The following ARL6IP6 variants were observed in gnomAD, a reference collection of about 807,000 sequenced individuals.
ARL6IP6 encodes the protein ADP-ribosylation factor-like protein 6-interacting protein 6.
A neutral mutation model predicts 21.5 loss-of-function variants in ARL6IP6; 22 were observed. That is an observed-to-expected ratio of 1.02 (90% confidence interval 0.73 to 1.46). The LOEUF (loss-of-function observed/expected upper bound fraction) is 1.46. Among genes scored for constraint, ARL6IP6 ranks in the 40% most tolerant of loss-of-function variants. ARL6IP6 has a pLI of 0.00. For synonymous variants in ARL6IP6, 164 were observed against 125.3 expected (o/e 1.31, Z -2.06); for missense variants, 388 against 299.8 (o/e 1.29, Z -2.17).
upstream of ARL6IP6, chr2:152,718,029 C>A: frequency 2.0e-6 from 2 of 992,616 alleles, no homozygotes; most frequent in Non-Finnish European, 2.4e-6. Context: ...GGAGGCGTGT[C>A]GAGTAGCGGG....
At chr2:152,717,980 T>G, upstream of ARL6IP6, 1 of 999,104 alleles carries the variant, frequency 1.0e-6, no homozygotes, top group Non-Finnish European at 1.2e-6. Context: ...GAGGGTTCGA[T>G]CTCCGTACGC....
At chr2:152,737,909 A>C (rs892758805) in intron 3 of ARL6IP6, among the ~76,000 whole-genome samples, 2 of 152,062 alleles carry the variant, frequency 1.3e-5, no homozygotes, top group Admixed American at 1.3e-4. Context: ...CAGTCCCCCA[A>C]ATTTCAGCAT....
intron 3 of ARL6IP6, among the ~76,000 whole-genome samples, chr2:152,741,852 T>C (rs1700825264): frequency 1.3e-5 from 2 of 152,210 alleles, no homozygotes; most frequent in South Asian, 4.1e-4. Flanking sequence ...ATATATAAAC[T>C]TGTCAATTAG....
rs1701847966 is a variant in ARL6IP6, at chr2:152,761,617, T to TCC, written c.*1782_*1783dup. On this transcript the variant is annotated 3_prime_UTR_variant, in exon 4 of 4. Transcript: ENST00000326446. ...AACGAACTGTACTTATGATAGTGAATCCCCCCGTAAGATTATACTGCTGCA... is the reference window on the plus strand; with the variant it reads ...AACGAACTGTACTTATGATAGTGAATCCCCCCCCGTAAGATTATACTGCTGCA... 6.6e-6 allele frequency among the ~76,000 whole-genome samples: 1 copy of TCC among 152,128 alleles called. No individual in the cohort carries two copies. The highest frequency in any genetic ancestry group is 2.4e-5 in the African/African-American group (1 of 41,426).
intron 3 of ARL6IP6, among the ~76,000 whole-genome samples, chr2:152,736,262 G>T (rs1186651806): frequency 6.6e-6 from 1 of 152,110 alleles, no homozygotes; most frequent in Non-Finnish European, 1.5e-5. Flanking sequence ...ACAGGTATAA[G>T]TCTAGGGTAA....
intron 3 of ARL6IP6, among the ~76,000 whole-genome samples, chr2:152,747,757 G>A (rs1057105325): frequency 1.4e-4 from 22 of 152,054 alleles, no homozygotes; most frequent in African/African-American, 5.1e-4. Context: ...TTTTAGTAGA[G>A]ATGGGGTTTC....
intron 3 of ARL6IP6, among the ~76,000 whole-genome samples, chr2:152,750,228 A>C (rs537117952): frequency 4.8e-4 from 73 of 152,274 alleles, no homozygotes; most frequent in African/African-American, 1.5e-3. Flanking sequence ...CCTGTATCCC[A>C]GCACTTTGGG....
intron 2 of ARL6IP6, among the ~76,000 whole-genome samples, chr2:152,724,171 A>T (rs1425148763): frequency 6.6e-6 from 1 of 150,942 alleles, no homozygotes; most frequent in African/African-American, 2.4e-5. Context: ...TCAAAATGTT[A>T]GTTTATCTGG....
At chr2:152,734,373 G>A (rs1022305327) in intron 2 of ARL6IP6, among the ~76,000 whole-genome samples, 1 of 152,088 alleles carries the variant, frequency 6.6e-6, no homozygotes, top group African/African-American at 2.4e-5. Flanking sequence ...GTAAAGAGGG[G>A]ATACCCCCAA....
chr2:152,762,343 G>A lies in ARL6IP6; in HGVS notation c.*2503G>A, dbSNP rs919601739. 2.0e-5 allele frequency among the ~76,000 whole-genome samples: 3 copies of A among 152,170 alleles called. No individual in the cohort carries two copies. Among genetic ancestry groups the A allele is most frequent in the African/African-American group, 7.2e-5 (3 of 41,442 alleles). On this transcript the variant is annotated 3_prime_UTR_variant, in exon 4 of 4. Transcript: ENST00000326446. ...GTCCCTGAAGCCCAGTGGCAATCCTGCCATTCTTGATACGTGAGTCAATAA... is the reference window on the plus strand; with the variant it reads ...GTCCCTGAAGCCCAGTGGCAATCCTACCATTCTTGATACGTGAGTCAATAA...
intron 1 of ARL6IP6, 116 bp downstream of exon 1, chr2:152,719,140 T>C: frequency 8.4e-7 from 1 of 1,194,384 alleles, no homozygotes; most frequent in Non-Finnish European, 1.1e-6. Flanking sequence ...GCAGCTGCTT[T>C]CACCCAGAGT....
chr2:152,726,803 A>G (rs138080246), intron 2 of ARL6IP6, among the ~76,000 whole-genome samples: 1 of 152,308 alleles, frequency 6.6e-6, no homozygotes, highest in Non-Finnish European at 1.5e-5. Context: ...ATTTAGTGGC[A>G]TTGCAACTGT....
chr2:152,742,273 A>G (rs909903819), intron 3 of ARL6IP6, among the ~76,000 whole-genome samples: 1 of 152,170 alleles, frequency 6.6e-6, no homozygotes, highest in East Asian at 1.9e-4. Flanking sequence ...CTAGAACTCT[A>G]AAGATAATCG....
chr2:152,719,427 C>T (rs1206843979), intron 1 of ARL6IP6, among the ~76,000 whole-genome samples: 1 of 152,178 alleles, frequency 6.6e-6, no homozygotes, highest in East Asian at 1.9e-4. Flanking sequence ...GTGCTGTCCA[C>T]CAATTCCTCT....
intron 3 of ARL6IP6, among the ~76,000 whole-genome samples, chr2:152,737,847 C>T (rs943161968): frequency 1.3e-5 from 2 of 152,100 alleles, no homozygotes; most frequent in African/African-American, 4.8e-5. Flanking sequence ...CTGCCCCTGA[C>T]CTCTCCCAAA....
At chr2:152,749,710 A>C (rs1701230677) in intron 3 of ARL6IP6, among the ~76,000 whole-genome samples, 2 of 152,198 alleles carry the variant, frequency 1.3e-5, no homozygotes, top group South Asian at 2.1e-4. Context: ...CAAGGCTGGC[A>C]CTCAGACCCG....
chr2:152,722,567 G>GT (rs1187628805), intron 2 of ARL6IP6, among the ~76,000 whole-genome samples: 1 of 152,174 alleles, frequency 6.6e-6, no homozygotes, highest in Non-Finnish European at 1.5e-5. Context: ...TTAAAAATCT[G>GT]TTTCAGTGAA....
chr2:152,737,944 G>C (rs1700626519), intron 3 of ARL6IP6, among the ~76,000 whole-genome samples: 1 of 152,078 alleles, frequency 6.6e-6, no homozygotes, highest in South Asian at 2.1e-4. Flanking sequence ...ACAGTCCCAG[G>C]TCTCATCTGA....
chr2:152,721,520 C>T (rs1699789643), intron 2 of ARL6IP6, among the ~76,000 whole-genome samples: 1 of 152,140 alleles, frequency 6.6e-6, no homozygotes, highest in African/African-American at 2.4e-5. Flanking sequence ...AAAACTTTAC[C>T]TGTCCAGCAT....
Sources: allele counts gnomAD v4.1 joint callset (sites outside exome capture counted in the v4.1 genomes callset), GRCh38; gene constraint gnomAD v4.1.1; transcripts MANE v1.5; gene names NCBI Gene and HGNC (gene_info 2026-07-23, HGNC 2026-07-21).